Variants in DCK observed in about 807,000 individuals in gnomAD.
DCK encodes deoxyadenosine kinase.
In DCK, 23 loss-of-function variants were observed where a neutral mutation model predicts 38.3. That is an observed-to-expected ratio of 0.60 (90% CI 0.43 to 0.85). The LOEUF (loss-of-function observed/expected upper bound fraction) is 0.85, where lower values mean the gene tolerates loss of function less well. DCK is among the 40% of genes least tolerant of loss of function. The probability of loss-of-function intolerance (pLI) is 0.00; values close to 1 mark genes in which losing one functional copy is unlikely to be tolerated. For synonymous variants in DCK, 108 were observed against 100.6 expected (o/e 1.07, Z -0.44); for missense variants, 259 against 304.4 (o/e 0.85, Z 1.11).
intron 4 of DCK, 26 bp downstream of exon 4, chr4:71,023,732 A>G (rs781015507): frequency 2.5e-6 from 4 of 1,591,382 alleles, no homozygotes; most frequent in South Asian, 1.1e-5. Context: ...AATGTGTTTC[A>G]CTGAAAATTT....
chr4:71,016,163 T>C (rs1234280560), intron 2 of DCK, among the ~76,000 whole-genome samples: 2 of 152,310 alleles, frequency 1.3e-5, no homozygotes, highest in East Asian at 3.9e-4. Flanking sequence ...AGCCAAATCA[T>C]GAGTGAACTC....
Position 71,025,947 on chromosome 4 carries a change from A to T in DCK, c.665+16A>T. 1 of 1,562,794 alleles carries T rather than the reference A, an allele frequency of 6.4e-7. No homozygotes were observed. The highest frequency in any genetic ancestry group is 8.6e-7 in the Non-Finnish European group (1 of 1,160,776). On this transcript the variant is annotated intron_variant, in intron 5 of 6. Transcript: ENST00000286648. ...GGACACTGAAGTAAGACTTATTTTTATTTACTATTCATTTTAAATACCTTT... is the reference window on the plus strand; with the variant it reads ...GGACACTGAAGTAAGACTTATTTTTTTTTACTATTCATTTTAAATACCTTT...
chr4:71,019,528 GC>G (rs1267512635), intron 2 of DCK, among the ~76,000 whole-genome samples: 1 of 152,104 alleles, frequency 6.6e-6, no homozygotes, highest in African/African-American at 2.4e-5. Context: ...GACCCCTGGA[GC>G]TTCTCCTACT....
At chr4:70,995,793 T>G (rs1431780591) in intron 1 of DCK, among the ~76,000 whole-genome samples, 2 of 152,172 alleles carry the variant, frequency 1.3e-5, no homozygotes, top group Non-Finnish European at 2.9e-5. Flanking sequence ...ACGGTCTTTT[T>G]GTATGCAAAT....
At chr4:71,021,308 C>T (rs1045408685) in intron 2 of DCK, among the ~76,000 whole-genome samples, 3 of 151,806 alleles carry the variant, frequency 2.0e-5, no homozygotes, top group African/African-American at 7.3e-5. Context: ...ATCTCCTGAC[C>T]TCATGATCCA....
At chr4:71,012,908 G>C (rs1441094120) in intron 2 of DCK, among the ~76,000 whole-genome samples, 1 of 152,220 alleles carries the variant, frequency 6.6e-6, no homozygotes, top group Non-Finnish European at 1.5e-5. Context: ...AACAAAGCTG[G>C]ACGGAGAATG....
Position 71,013,599 on chromosome 4 carries a change from A to G in DCK, c.208-8768A>G, listed in dbSNP as rs192543622. Among the ~76,000 whole-genome samples the G allele has an allele frequency of 4.9e-3, 744 of 152,330 alleles. 11 individuals carry two copies. Among genetic ancestry groups the G allele is most frequent in the African/African-American group, 0.017 (716 of 41,570 alleles). Reference sequence around the variant, plus strand: ...TACAAGCCAGGAGAGAGTGGGGGCCAATATTCAACATTCTTAAAGAAACGA... The same window carrying G: ...TACAAGCCAGGAGAGAGTGGGGGCCGATATTCAACATTCTTAAAGAAACGA... On this transcript the variant is annotated intron_variant, in intron 2 of 6. Coordinates refer to ENST00000286648, the MANE Select transcript of DCK (RefSeq NM_000788.3).
chr4:71,014,840 C>A (rs1199928157), intron 2 of DCK, among the ~76,000 whole-genome samples: 1 of 152,146 alleles, frequency 6.6e-6, no homozygotes, highest in Non-Finnish European at 1.5e-5. Flanking sequence ...AATTGACACC[C>A]TAACATCACA....
chr4:70,998,362 A>G (rs1580469), intron 2 of DCK, among the ~76,000 whole-genome samples, 180 bp downstream of exon 2: 151,929 of 152,120 alleles, frequency 1, 75,871 homozygotes, highest in Non-Finnish European at 1. Context: ...AATGGGTTTC[A>G]GATTGATATG....
At chr4:71,013,715 A>AT (rs1740164625) in intron 2 of DCK, among the ~76,000 whole-genome samples, 1 of 152,178 alleles carries the variant, frequency 6.6e-6, no homozygotes. Flanking sequence ...ATGCTGAGAG[A>AT]TTTTATCACC....
intron 2 of DCK, among the ~76,000 whole-genome samples, chr4:71,017,675 A>G (rs1181716259): frequency 6.6e-6 from 1 of 150,914 alleles, no homozygotes; most frequent in Non-Finnish European, 1.5e-5. Flanking sequence ...AAACTGTCGC[A>G]GGGAAAAAAA....
intron 2 of DCK, among the ~76,000 whole-genome samples, chr4:71,014,394 G>C (rs1740196746): frequency 6.6e-6 from 1 of 152,160 alleles, no homozygotes; most frequent in Non-Finnish European, 1.5e-5. Flanking sequence ...TCCAGGAATT[G>C]AGCTCAGCTC....
chr4:70,993,947 T>G, intron 1 of DCK, 21 bp downstream of exon 1: 2 of 1,568,976 alleles, frequency 1.3e-6, no homozygotes, highest in Middle Eastern at 1.7e-4. Flanking sequence ...TCCGGAAATG[T>G]GGGACGCAAG....
chr4:71,010,117 C>T (rs1740046964), intron 2 of DCK, among the ~76,000 whole-genome samples: 2 of 149,068 alleles, frequency 1.3e-5, no homozygotes, highest in African/African-American at 4.9e-5. Context: ...CTGATCTCTT[C>T]GTTTAGCAAC....
intron 1 of DCK, among the ~76,000 whole-genome samples, chr4:70,996,723 T>C (rs1168632777): frequency 6.6e-6 from 1 of 152,248 alleles, no homozygotes; most frequent in African/African-American, 2.4e-5. Flanking sequence ...GTTTTAGTTT[T>C]ATATTTATAT....
intron 2 of DCK, among the ~76,000 whole-genome samples, chr4:71,001,701 G>A (rs1739804192): frequency 1.3e-5 from 2 of 152,068 alleles, no homozygotes; most frequent in African/African-American, 4.8e-5. Flanking sequence ...GTTCTTCCTG[G>A]TTTAATCTTG....
chr4:71,010,189 G>A (rs1215764049), intron 2 of DCK, among the ~76,000 whole-genome samples: 1 of 131,470 alleles, frequency 7.6e-6, no homozygotes, highest in Non-Finnish European at 1.6e-5. Context: ...TTTTTAACCT[G>A]CCACCTAGTG....
At chr4:71,018,481 G>A (rs1740330508) in intron 2 of DCK, among the ~76,000 whole-genome samples, 1 of 151,950 alleles carries the variant, frequency 6.6e-6, no homozygotes, top group South Asian at 2.1e-4. Flanking sequence ...GGGCCAAAAG[G>A]TACAGGTTTT....
At chr4:71,024,325 A>G (rs564853898) in intron 4 of DCK, among the ~76,000 whole-genome samples, 1 of 152,174 alleles carries the variant, frequency 6.6e-6, no homozygotes, top group Non-Finnish European at 1.5e-5. Context: ...AGGTTGTAAC[A>G]TAGCTATTCT....
Sources: gnomAD v4.1 joint callset for allele counts (sites outside exome capture counted in the v4.1 genomes callset) on GRCh38, gnomAD v4.1.1 for gene constraint, MANE v1.5 for transcripts, NCBI Gene and HGNC (gene_info 2026-07-23, HGNC 2026-07-21) for gene names.